The following ZNF565 variants were observed in gnomAD, a reference collection of about 807,000 sequenced individuals.
ZNF565 encodes the protein zinc finger protein 565.
ZNF565 carries 27 observed loss-of-function variants against 39.4 expected under a neutral mutation model. The observed-to-expected ratio is 0.69, with a 90% confidence interval of 0.51 to 0.95. The LOEUF (loss-of-function observed/expected upper bound fraction) is 0.95, where lower values mean the gene tolerates loss of function less well. ZNF565 is among the 40% of genes least tolerant of loss of function. The pLI is 0.00. For missense variants in ZNF565, 524 were observed against 621.1 expected, an observed-to-expected ratio of 0.84 and a Z score of 1.66; for synonymous variants, 185 against 216.6, an observed-to-expected ratio of 0.85 and a Z score of 1.28.
intron 1 of ZNF565, chr19:36,235,523 A>G (rs1272214760): frequency 6.6e-6 from 1 of 152,214 alleles, no homozygotes; most frequent in South Asian, 2.1e-4. Context: ...TTTTATTGCT[A>G]GTAATGGGAA....
chr19:36,224,106 G>A (rs576357246), intron 1 of ZNF565, among the ~76,000 whole-genome samples: 4 of 152,234 alleles, frequency 2.6e-5, no homozygotes, highest in South Asian at 2.1e-4. Flanking sequence ...ACCTGGCTGG[G>A]CACGGTGGCT....
At chr19:36,216,863 T>TATAATCCCAGCACTTTAG, upstream of ZNF565, among the ~76,000 whole-genome samples, 1 of 39,500 alleles carries the variant, frequency 2.5e-5, no homozygotes, top group Non-Finnish European at 5.5e-5. Context: ...GGCTCACACC[T>TATAATCCCAGCACTTTAG]GTGAGCCAAG....
At chr19:36,232,609 CTTT>C (rs548903056) in intron 1 of ZNF565, among the ~76,000 whole-genome samples, 4 of 140,076 alleles carry the variant, frequency 2.9e-5, no homozygotes, top group African/African-American at 2.6e-5. Context: ...TTTCTTTTTT[CTTT>C]TTTTTTTTTT....
chr19:36,226,840 C>T (rs922053946), intron 1 of ZNF565, among the ~76,000 whole-genome samples: 2 of 152,188 alleles, frequency 1.3e-5, no homozygotes, highest in African/African-American at 2.4e-5. Flanking sequence ...AATCCCAGCC[C>T]TTTGGGAGGC....
At chr19:36,233,429 A>C (rs1043842229) in intron 1 of ZNF565, among the ~76,000 whole-genome samples, 1 of 152,066 alleles carries the variant, frequency 6.6e-6, no homozygotes, top group African/African-American at 2.4e-5. Context: ...AAAGAAAGAG[A>C]CACAGAAACA....
At chr19:36,199,664 C>T (rs1052677408) in intron 2 of ZNF565, among the ~76,000 whole-genome samples, 3 of 151,846 alleles carry the variant, frequency 2.0e-5, no homozygotes, top group Non-Finnish European at 2.9e-5. Context: ...CATGCCACTG[C>T]ACCTGGCTAA....
At chr19:36,196,486 T>C (rs1305396897) in intron 2 of ZNF565, among the ~76,000 whole-genome samples, 1 of 152,216 alleles carries the variant, frequency 6.6e-6, no homozygotes, top group African/African-American at 2.4e-5. Flanking sequence ...AGCACAGTTA[T>C]ATGACTAGAG....
intron 1 of ZNF565, among the ~76,000 whole-genome samples, chr19:36,206,514 C>T (rs1397279313): frequency 1.3e-5 from 2 of 151,966 alleles, no homozygotes; most frequent in South Asian, 2.1e-4. Flanking sequence ...TGGCCATAGA[C>T]ATGATATTGA....
At chr19:36,221,976 CTGGTGTGCAA>C (rs1237693867) in intron 1 of ZNF565, among the ~76,000 whole-genome samples, 3 of 136,330 alleles carry the variant, frequency 2.2e-5, no homozygotes, top group Admixed American at 8.4e-5. Flanking sequence ...GTCACCCAAG[CTGGTGTGCAA>C]TGGTGTTAAC....
In ZNF565 at chr19:36,211,486, C is replaced by CAA. The variant is rs1327499529; in HGVS notation, c.-66+3134_-66+3135dup. ...ACACACACACACACACACACACACA[C>CAA]AATTCTAATTAATAAACATAGAAGT... On this transcript the variant is annotated intron_variant, in intron 1 of 4. Transcript: ENST00000304116. 2.1e-3 allele frequency among the ~76,000 whole-genome samples: 307 copies of CAA among 147,510 alleles called. 2 individuals are homozygous for CAA. The highest frequency in any genetic ancestry group is 7.4e-3 in the African/African-American group (292 of 39,492).
At chr19:36,206,031 G>T (rs1194399806) in intron 1 of ZNF565, among the ~76,000 whole-genome samples, 1 of 149,914 alleles carries the variant, frequency 6.7e-6, no homozygotes, top group Non-Finnish European at 1.5e-5. Context: ...ACGAGCTCTC[G>T]GCTCACTGCA....
chr19:36,215,639 T>G (rs1364820728), upstream of ZNF565, among the ~76,000 whole-genome samples: 1 of 151,986 alleles, frequency 6.6e-6, no homozygotes, highest in Non-Finnish European at 1.5e-5. Context: ...TTAATTGGAG[T>G]GGCATGCAAA....
At chr19:36,218,412 C>G (rs2145395028), upstream of ZNF565, among the ~76,000 whole-genome samples, 1 of 151,956 alleles carries the variant, frequency 6.6e-6, no homozygotes. Flanking sequence ...TATTATAGTC[C>G]TGTGTCTGGT....
At chr19:36,184,100 A>AAAAAAAAC (rs1975201633) in intron 4 of ZNF565, among the ~76,000 whole-genome samples, 3 of 149,746 alleles carry the variant, frequency 2.0e-5, no homozygotes, top group Non-Finnish European at 4.4e-5. Flanking sequence ...AAAAAAAAAA[A>AAAAAAAAC]AAACTATAGT....
intron 4 of ZNF565, among the ~76,000 whole-genome samples, chr19:36,193,441 CTT>C (rs918390781): frequency 7.6e-5 from 10 of 131,804 alleles, no homozygotes; most frequent in Admixed American, 1.5e-4. Flanking sequence ...TTTCTTTTTT[CTT>C]TTTTTTTTTT....
intron 1 of ZNF565, among the ~76,000 whole-genome samples, chr19:36,233,847 C>T (rs1051111269): frequency 2.6e-5 from 4 of 152,192 alleles, no homozygotes; most frequent in African/African-American, 7.2e-5. Context: ...AGACAGATGC[C>T]TTCCTCTTAT....
At chr19:36,212,956 G>A (rs1237766480) in intron 1 of ZNF565, 1 of 152,184 alleles carries the variant, frequency 6.6e-6, no homozygotes, top group Admixed American at 6.6e-5. Context: ...TCTTGGAGAA[G>A]GGTTAAGAGC....
intron 1 of ZNF565, among the ~76,000 whole-genome samples, chr19:36,210,416 TC>T (rs1976310307): frequency 2.3e-5 from 2 of 85,252 alleles, no homozygotes; most frequent in Non-Finnish European, 2.3e-5. Flanking sequence ...TAAAATTCTG[TC>T]TCAAAAAAAA....
In ZNF565 at chr19:36,183,595, T is replaced by C. The variant is rs1975170677; in HGVS notation, c.371A>G (p.Gln124Arg). The C allele has an allele frequency of 6.2e-7, 1 of 1,614,198 alleles. No individual in the cohort carries two copies. Residue 124 changes from glutamine (Q) to arginine (R), a missense_variant, in exon 5 of 5, where the codon CAG (glutamine) becomes CGG (arginine). Gln to Arg is a conservative substitution (Grantham distance 43). Coordinates refer to ENST00000304116, the MANE Select transcript of ZNF565 (RefSeq NM_152477.5). The part of the protein sequence containing the change: ...DFRADWECEG[Q>R]FERQVNEECY... ...CTCTTCATTGACTTGTCTCTCAAAC[T>C]GGCCTTCGCATTCCCAGTCAGCTCT... is the stretch of plus-strand genomic sequence containing the variant.
Sources: gnomAD v4.1 joint callset for allele counts (sites outside exome capture counted in the v4.1 genomes callset) on GRCh38, gnomAD v4.1.1 for gene constraint, MANE v1.5 for transcripts, NCBI Gene and HGNC (gene_info 2026-07-23, HGNC 2026-07-21) for gene names.